Variants in ZNF280D observed in about 807,000 individuals in gnomAD.
ZNF280D encodes suppressor of hairy wing homolog 4.
ZNF280D carries 39 observed loss-of-function variants against 94.7 expected under a neutral mutation model. That is an observed-to-expected ratio of 0.41 (90% CI 0.32 to 0.54). The LOEUF (loss-of-function observed/expected upper bound fraction) is 0.54, where lower values mean the gene tolerates loss of function less well. ZNF280D is among the 20% of genes least tolerant of loss of function. ZNF280D has a pLI of 0.22. For synonymous variants in ZNF280D, 398 were observed against 377.6 expected (o/e 1.05, Z -0.63); for missense variants, 1,090 against 1,149.3 (o/e 0.95, Z 0.75).
intron 14 of ZNF280D, chr15:56,668,326 ATGTGTT>A: frequency 2.8e-6 from 1 of 354,356 alleles, no homozygotes; most frequent in Non-Finnish European, 5.5e-6. Flanking sequence ...GCAGTCAGAC[ATGTGTT>A]TGCTCACTTA....
chr15:56,642,902 A>C, intron 20 of ZNF280D, 50 bp downstream of exon 20: 1 of 1,331,028 alleles, frequency 7.5e-7, no homozygotes, highest in Non-Finnish European at 1.0e-6. Flanking sequence ...CATACCAATA[A>C]TACTTTCAAA....
At chr15:56,636,550 C>A (rs2052361985) in intron 20 of ZNF280D, among the ~76,000 whole-genome samples, 1 of 141,676 alleles carries the variant, frequency 7.1e-6, no homozygotes, top group South Asian at 2.2e-4. Flanking sequence ...GTGGTATGAT[C>A]TCAGCTCACT....
At chr15:56,710,410 G>T (rs1164657861) in intron 1 of ZNF280D, among the ~76,000 whole-genome samples, 1 of 147,024 alleles carries the variant, frequency 6.8e-6, no homozygotes, top group Non-Finnish European at 1.5e-5. Flanking sequence ...TCTGTCTCTC[G>T]AAAAAATAAA....
At chr15:56,725,121 C>A (rs1280520660) in intron 1 of ZNF280D, 1 of 254,216 alleles carries the variant, frequency 3.9e-6, no homozygotes, top group African/African-American at 2.2e-5. Flanking sequence ...AGGTAACCCA[C>A]AAAATAAGGA....
intron 19 of ZNF280D, among the ~76,000 whole-genome samples, chr15:56,646,300 T>C (rs1347478769): frequency 6.6e-6 from 1 of 151,970 alleles, no homozygotes; most frequent in Non-Finnish European, 1.5e-5. Flanking sequence ...TGGTTGTACA[T>C]ACCTGAGTCC....
intron 3 of ZNF280D, among the ~76,000 whole-genome samples, chr15:56,705,466 C>A (rs508037): frequency 0.99 from 150,629 of 152,260 alleles, 74,535 homozygotes; most frequent in Middle Eastern, 1. Context: ...TCAAATCTTT[C>A]CTCCACTGTT....
At position 56,655,633 on chromosome 15, in the gene ZNF280D, C is replaced by T. The variant is rs367961943; in HGVS notation, c.2058-1130G>A. On this transcript the variant is annotated intron_variant, in intron 17 of 21. Transcript: ENST00000267807. ...GAGTTTTTGTCCTCACTGGATCTAA[C>T]TGTTTAGCATTTGCTATTTGAAGTA... Among the ~76,000 whole-genome samples the T allele has an allele frequency of 3.1e-4, 47 of 152,314 alleles. No homozygotes were observed. In the South Asian group the frequency reaches 7.9e-3, roughly 25 times the overall value.
chr15:56,721,695 A>G (rs1385654779), intron 1 of ZNF280D, among the ~76,000 whole-genome samples: 3 of 152,206 alleles, frequency 2.0e-5, no homozygotes, highest in Non-Finnish European at 4.4e-5. Flanking sequence ...ATAGATCTGA[A>G]GAGAGTAGGG....
In ZNF280D at chr15:56,733,495, G is replaced by A; in HGVS notation, c.-123C>T. The A allele has an allele frequency of 2.6e-6, 3 of 1,140,948 alleles. No individual in the cohort carries two copies. The highest frequency in any genetic ancestry group is 3.3e-6 in the Non-Finnish European group (3 of 917,882). 70.7% of individuals were successfully genotyped at this position (1,140,948 alleles called of 1,614,324 possible). ...GGATCGGCCTGACTGGAGCCCTGAG[G>A]AGGAGGAGAAAGAGGAGGAGGAAAA... On this transcript the variant is annotated 5_prime_UTR_variant, in exon 1 of 22. Transcript: ENST00000267807.
At chr15:56,729,804 G>A (rs1368312897) in intron 1 of ZNF280D, 7 of 152,156 alleles carry the variant, frequency 4.6e-5, no homozygotes, top group Non-Finnish European at 1.0e-4. Context: ...AAGAAAGAAA[G>A]ATGTTCTTTG....
rs1389092896 is a variant in ZNF280D, at chr15:56,631,375, T to C, written c.*123A>G. Reference sequence around the variant, plus strand: ...ACATAGGTTGAACATACAGGTAAAGTGTATGTGTGACCTCCCTTACATATT... The same window carrying C: ...ACATAGGTTGAACATACAGGTAAAGCGTATGTGTGACCTCCCTTACATATT... On this transcript the variant is annotated 3_prime_UTR_variant, in exon 22 of 22. Transcript: ENST00000267807. 2 of 974,916 alleles carry C rather than the reference T, an allele frequency of 2.1e-6. No homozygotes were observed. The highest frequency in any genetic ancestry group is 3.3e-5 in the African/African-American group (2 of 61,414). The allele number at this position is 974,916 out of a possible 1,614,324, so 60.4% of individuals were successfully genotyped here. A position where few individuals can be genotyped will look rare whatever the true frequency, so the allele number is the denominator to read the frequency against.
At chr15:56,722,605 T>C (rs1390726155) in intron 1 of ZNF280D, among the ~76,000 whole-genome samples, 3 of 152,058 alleles carry the variant, frequency 2.0e-5, no homozygotes, top group Admixed American at 6.6e-5. Context: ...TGTGGAGAAA[T>C]AGGAACACTT....
chr15:56,636,097 C>T (rs1165871019), intron 20 of ZNF280D, among the ~76,000 whole-genome samples: 2 of 152,048 alleles, frequency 1.3e-5, no homozygotes, highest in South Asian at 2.1e-4. Context: ...ATCTACTCAC[C>T]GTCTCAAAAC....
intron 20 of ZNF280D, among the ~76,000 whole-genome samples, chr15:56,637,983 G>T (rs1447066440): frequency 1.3e-5 from 2 of 152,146 alleles, no homozygotes; most frequent in African/African-American, 4.8e-5. Flanking sequence ...GTTGTGAGTT[G>T]TACTTAACCA....
intron 9 of ZNF280D, among the ~76,000 whole-genome samples, chr15:56,686,684 T>A (rs142234504): frequency 6.6e-6 from 1 of 152,144 alleles, no homozygotes; most frequent in African/African-American, 2.4e-5. Flanking sequence ...AGAAGTAATA[T>A]ACCTATTTTC....
chr15:56,638,456 G>C (rs1239477148), intron 20 of ZNF280D, among the ~76,000 whole-genome samples: 8 of 152,116 alleles, frequency 5.3e-5, no homozygotes, highest in Non-Finnish European at 1.2e-4. Flanking sequence ...TATCAAAGGA[G>C]AATAATCACA....
chr15:56,724,557 A>C (rs1406066411), intron 1 of ZNF280D, among the ~76,000 whole-genome samples: 1 of 152,232 alleles, frequency 6.6e-6, no homozygotes, highest in East Asian at 1.9e-4. Context: ...AAGGCATCGT[A>C]TCTTATAAAA....
intron 13 of ZNF280D, among the ~76,000 whole-genome samples, chr15:56,671,380 G>C (rs1483696151): frequency 6.6e-6 from 1 of 152,046 alleles, no homozygotes; most frequent in African/African-American, 2.4e-5. Context: ...TCCAGTTTCA[G>C]TTTTCTGCCT....
intron 16 of ZNF280D, 35 bp from the exon 17 acceptor site, chr15:56,658,521 A>G: frequency 1.4e-6 from 2 of 1,435,498 alleles, no homozygotes; most frequent in Non-Finnish European, 1.9e-6. Context: ...AAATTTTATT[A>G]TACAATAAGT....
Sources: gnomAD v4.1 joint callset for allele counts (sites outside exome capture counted in the v4.1 genomes callset) on GRCh38, gnomAD v4.1.1 for gene constraint, MANE v1.5 for transcripts, NCBI Gene and HGNC (gene_info 2026-07-23, HGNC 2026-07-21) for gene names.